Variants in BID observed in about 807,000 individuals in gnomAD.
BID encodes the protein BH3-interacting domain death agonist.
BID carries 19 observed loss-of-function variants against 17.4 expected under a neutral mutation model. The observed-to-expected ratio is 1.09, with a 90% CI of 0.76 to 1.60. The LOEUF is 1.60. BID is among the 40% of genes most tolerant of loss of function. The pLI is 0.00. For missense variants in BID, 226 were observed against 256.0 expected (o/e 0.88, Z 0.80); for synonymous variants, 108 against 102.8 (o/e 1.05, Z -0.31).
At chr22:17,756,494 TTCTC>T (rs745466202) in intron 1 of BID, among the ~76,000 whole-genome samples, 1 of 136,910 alleles carries the variant, frequency 7.3e-6, no homozygotes, top group Non-Finnish European at 1.6e-5. Flanking sequence ...CTTTCTTTCT[TTCTC>T]TCTCTCTTTC....
intron 4 of BID, among the ~76,000 whole-genome samples, chr22:17,738,668 G>A (rs895162095): frequency 6.6e-6 from 1 of 152,146 alleles, no homozygotes; most frequent in African/African-American, 2.4e-5. Flanking sequence ...CACATGCAGA[G>A]TTACATGGGA....
intron 1 of BID, among the ~76,000 whole-genome samples, chr22:17,765,316 G>A (rs1304749366): frequency 6.6e-6 from 1 of 152,212 alleles, no homozygotes; most frequent in Non-Finnish European, 1.5e-5. Context: ...GGCATTGAAA[G>A]AAGTGACTTG....
intron 1 of BID, among the ~76,000 whole-genome samples, chr22:17,760,687 G>C: frequency 6.6e-6 from 1 of 152,020 alleles, no homozygotes. Context: ...GCCCTGGCCC[G>C]GCGCGCTGGG....
chr22:17,767,527 AT>A (rs1228739275), intron 1 of BID, among the ~76,000 whole-genome samples: 2 of 152,222 alleles, frequency 1.3e-5, no homozygotes, highest in East Asian at 3.8e-4. Context: ...TGGACACAAA[AT>A]TCTGAATTGA....
At chr22:17,746,551 C>T (rs764543061) in intron 2 of BID, among the ~76,000 whole-genome samples, 18 of 152,328 alleles carry the variant, frequency 1.2e-4, no homozygotes, top group Admixed American at 3.3e-4. Context: ...ACAGTTAGTG[C>T]TGGGCTAAGC....
intron 1 of BID, among the ~76,000 whole-genome samples, chr22:17,772,858 C>G (rs2061731243): frequency 6.6e-6 from 1 of 152,148 alleles, no homozygotes; most frequent in South Asian, 2.1e-4. Context: ...CCCATACCAC[C>G]CTGGGGCCAT....
intron 1 of BID, among the ~76,000 whole-genome samples, chr22:17,762,289 G>A (rs1272835827): frequency 6.6e-6 from 1 of 152,166 alleles, no homozygotes; most frequent in African/African-American, 2.4e-5. Flanking sequence ...CTGAGGTCAG[G>A]AGTTTGAGAC....
rs1601877740 is a variant in BID at position 17,765,097 on chromosome 22, T to C, written c.-59+9284A>G. ...GCCGAGTCAGTAAGTAGTTCCAGTC[T>C]TGGAGACAGCTCAGTGAGGACCAAA... On this transcript the variant is annotated intron_variant, in intron 1 of 5. Coordinates refer to ENST00000622694, the MANE Select transcript of BID (RefSeq NM_001196.4). Among the ~76,000 whole-genome samples, 3 of 152,120 alleles carry C rather than the reference T, an allele frequency of 2.0e-5. No individual in the cohort carries two copies. The East Asian group carries it at 5.8e-4, about 29-fold the overall frequency.
At chr22:17,774,516 G>A (rs1323503898), upstream of BID, 6 of 160,284 alleles carry the variant, frequency 3.7e-5, no homozygotes, top group Middle Eastern at 2.7e-3. Flanking sequence ...GCCCGGGCCC[G>A]CCCCGGCCCG....
At position 17,736,970 on chromosome 22, in the gene BID, A is replaced by AT. The variant is rs567525757; in HGVS notation, c.576+1046dup. On this transcript the variant is annotated intron_variant, in intron 5 of 5. Coordinates refer to ENST00000622694, the MANE Select transcript of BID (RefSeq NM_001196.4). ...AGGCGCCCGCCACCACACCCAGCTA[A>AT]TTTTTTTTGTATTTTTAGTAGAAAC... is the stretch of plus-strand genomic sequence containing the variant. Among the ~76,000 whole-genome samples the AT allele has an allele frequency of 1.7e-3, 253 of 151,282 alleles. 4 individuals are homozygous for AT. The East Asian group carries it at 0.041, about 25-fold the overall frequency.
chr22:17,735,730 A>C, intron 5 of BID, 139 bp from the exon 6 acceptor site: 1 of 1,061,834 alleles, frequency 9.4e-7, no homozygotes, highest in Non-Finnish European at 1.4e-6. Context: ...CTATCCGTGC[A>C]TCCTACTTTT....
chr22:17,755,627 C>T (rs192054706), intron 1 of BID, among the ~76,000 whole-genome samples: 2 of 151,788 alleles, frequency 1.3e-5, no homozygotes, highest in East Asian at 3.9e-4. Context: ...ATGGTGAAAC[C>T]TTGTCTCTGC....
At position 17,748,077 on chromosome 22, in the gene BID, T is replaced by C. The variant is rs950118454; in HGVS notation, c.12+2028A>G. ...ATAAAAAATTAGCCGGGCGTGGTGG[T>C]GGGCGCCTGTAGTCCCAGCTACTCG... On this transcript the variant is annotated intron_variant, in intron 2 of 5. Coordinates refer to ENST00000622694, the MANE Select transcript of BID (RefSeq NM_001196.4). Among the ~76,000 whole-genome samples the C allele has an allele frequency of 2.5e-3, 323 of 130,594 alleles. 1 individual carries two copies. The Middle Eastern group carries it at 0.031, about 13-fold the overall frequency. 85.7% of individuals were successfully genotyped at this position (130,594 alleles called of 152,430 possible).
chr22:17,754,188 G>A (rs1207533010), intron 1 of BID, among the ~76,000 whole-genome samples: 3 of 139,446 alleles, frequency 2.2e-5, no homozygotes, highest in Non-Finnish European at 4.5e-5. Context: ...GGACTCTGCC[G>A]GGCGGGGGTG....
chr22:17,756,133 C>T (rs1346803764), intron 1 of BID, among the ~76,000 whole-genome samples: 1 of 152,214 alleles, frequency 6.6e-6, no homozygotes, highest in African/African-American at 2.4e-5. Context: ...TCCCAAAGTG[C>T]TGGGATTACA....
Position 17,739,441 on chromosome 22 carries a change from C to T in BID, c.271G>A (p.Ala91Thr), listed in dbSNP as rs375433200. ...CGGTCCATGCTGTCCCCGACCTGGGCGAGGTGCCTGGCAATATTCCGGATG... is the reference window on the plus strand; with the variant it reads ...CGGTCCATGCTGTCCCCGACCTGGGTGAGGTGCCTGGCAATATTCCGGATG... The part of the protein sequence containing the change: ...DIIRNIARHL[A>T]QVGDSMDRSI... Residue 91 changes from alanine (A) to threonine (T), a missense_variant, in exon 4 of 6, where the codon GCC becomes ACC. By Grantham distance (58) the Ala-to-Thr change is moderately conservative. Coordinates refer to ENST00000622694, the MANE Select transcript of BID (RefSeq NM_001196.4). The T allele has an allele frequency of 1.3e-5, 21 of 1,612,490 alleles. No individual in the cohort carries two copies. The highest frequency in any genetic ancestry group is 1.5e-5 in the Non-Finnish European group (18 of 1,179,852).
At chr22:17,745,240 G>A (rs1275703067) in intron 2 of BID, among the ~76,000 whole-genome samples, 1 of 151,930 alleles carries the variant, frequency 6.6e-6, no homozygotes, top group Non-Finnish European at 1.5e-5. Context: ...TAGTAGAGAC[G>A]AGGTTTCACC....
intron 1 of BID, among the ~76,000 whole-genome samples, chr22:17,766,885 C>T (rs933257465): frequency 6.6e-6 from 1 of 151,954 alleles, no homozygotes; most frequent in Non-Finnish European, 1.5e-5. Flanking sequence ...CCACCATGCC[C>T]GGCCAAGAAT....
Position 17,737,960 on chromosome 22 carries a change from C to A in BID, c.576+57G>T, listed in dbSNP as rs2061431403. Reference sequence around the variant, plus strand: ...GGGCCCCGCTGGGCTTCTCAACCTTCCAGAGAAAAGGGCATGGGCGGCAGG... The same window carrying A: ...GGGCCCCGCTGGGCTTCTCAACCTTACAGAGAAAAGGGCATGGGCGGCAGG... On this transcript the variant is annotated intron_variant, in intron 5 of 5. Transcript: ENST00000622694. The A allele has an allele frequency of 3.8e-6, 6 of 1,588,106 alleles. No individual in the cohort carries two copies. The East Asian group carries it at 1.3e-4, about 35-fold the overall frequency.
Sources: allele counts gnomAD v4.1 joint callset (sites outside exome capture counted in the v4.1 genomes callset), GRCh38; gene constraint gnomAD v4.1.1; transcripts MANE v1.5; gene names NCBI Gene and HGNC (gene_info 2026-07-23, HGNC 2026-07-21).